The following BOLA3 variants were observed in gnomAD, a reference collection of about 807,000 sequenced individuals.
The protein encoded by BOLA3 is bolA-like protein 3.
A neutral mutation model predicts 14.5 loss-of-function variants in BOLA3; 8 were observed. The ratio of observed to expected loss-of-function variants is 0.55; its 90% confidence interval spans 0.32 to 0.99. The LOEUF (loss-of-function observed/expected upper bound fraction) is 0.99, where lower values mean the gene tolerates loss of function less well. Ranked by LOEUF, BOLA3 falls within the 50% of genes least tolerant of loss-of-function variation. The pLI, the probability that BOLA3 is intolerant of heterozygous loss-of-function variation, is 0.04. For missense variants in BOLA3, 115 were observed against 138.2 expected (o/e 0.83, Z 0.84); for synonymous variants, 42 against 45.7 (o/e 0.92, Z 0.33).
chr2:74,147,728 G>T, intron 1 of BOLA3, 93 bp downstream of exon 1: 1 of 1,312,142 alleles, frequency 7.6e-7, no homozygotes, highest in Admixed American at 2.0e-5. Flanking sequence ...CGCCCTCCGG[G>T]AGCCAGTCCT....
chr2:74,145,071 C>T (rs1413873620), intron 2 of BOLA3, 118 bp downstream of exon 2: 2 of 722,460 alleles, frequency 2.8e-6, no homozygotes, highest in South Asian at 1.4e-5. Flanking sequence ...CCAGCAGCAA[C>T]ACATCTTGAG....
At position 74,147,862 on chromosome 2, in the gene BOLA3, T is replaced by C; in HGVS notation, c.13A>G (p.Ser5Gly). 1 of 1,524,146 alleles carries C rather than the reference T, an allele frequency of 6.6e-7. No individual in the cohort carries two copies. The highest frequency in any genetic ancestry group is 8.7e-7 in the Non-Finnish European group (1 of 1,142,876). The allele number at this position is 1,524,146 out of a possible 1,614,324, so 94.4% of individuals were successfully genotyped here. MAAW[S>G]PAAAAPLLRG... ...AGGAGAGGCGCTGCCGCGGCCGGGCTCCATGCAGCCATGCCCGGCCGACGT... is the reference window on the plus strand; with the variant it reads ...AGGAGAGGCGCTGCCGCGGCCGGGCCCCATGCAGCCATGCCCGGCCGACGT... The change falls in exon 1 of 4, where the codon AGC becomes GGC. Residue 5 changes from serine to glycine, a missense_variant. Ser to Gly is a moderately conservative substitution (Grantham distance 56, BLOSUM62 0). Transcript: ENST00000327428.
At chr2:74,142,148 G>C in intron 3 of BOLA3, 124 bp downstream of exon 3, 2 of 743,212 alleles carry the variant, frequency 2.7e-6, no homozygotes, top group Non-Finnish European at 4.8e-6. Flanking sequence ...CTTGAGTCCT[G>C]TTTCGTGATT....
intron 3 of BOLA3, 105 bp downstream of exon 3, chr2:74,142,167 G>A: frequency 4.8e-6 from 4 of 835,086 alleles, no homozygotes; most frequent in Non-Finnish European, 8.3e-6. Flanking sequence ...TTGCAGTACT[G>A]CATTATTCTC....
chr2:74,141,264 T>A (rs1692432695), intron 3 of BOLA3, among the ~76,000 whole-genome samples: 1 of 151,694 alleles, frequency 6.6e-6, no homozygotes, highest in Non-Finnish European at 1.5e-5. Context: ...AACACAAAGA[T>A]GGATCCCAAA....
chr2:74,136,410 T>C lies in BOLA3; in HGVS notation c.259-752A>G, dbSNP rs554192326. 2.0e-5 allele frequency among the ~76,000 whole-genome samples: 3 copies of C among 152,340 alleles called. No individual in the cohort carries two copies. The East Asian group carries it at 5.8e-4, about 29-fold the overall frequency. On this transcript the variant is annotated intron_variant, in intron 3 of 3. Transcript: ENST00000327428. The stretch of plus-strand genomic sequence containing the variant: ...CCACGGCCCATGACAGCTTTGAATG[T>C]GGCCTAATATAAATTCGTAAACTTT...
chr2:74,135,774 T>G, intron 3 of BOLA3, 116 bp from the exon 4 acceptor site: 1 of 813,854 alleles, frequency 1.2e-6, no homozygotes, highest in Non-Finnish European at 2.1e-6. Flanking sequence ...GTGCTTTGTT[T>G]AAGCAATTTT....
At chr2:74,139,899 C>T (rs1449034194) in intron 3 of BOLA3, among the ~76,000 whole-genome samples, 4 of 152,200 alleles carry the variant, frequency 2.6e-5, no homozygotes, top group African/African-American at 9.7e-5. Flanking sequence ...AATCCCAACA[C>T]TTAGGGAGGC....
chr2:74,139,821 G>A (rs1243386405), intron 3 of BOLA3, among the ~76,000 whole-genome samples: 1 of 152,190 alleles, frequency 6.6e-6, no homozygotes, highest in Non-Finnish European at 1.5e-5. Context: ...GTTCTGGCTG[G>A]GGGCAGAGGA....
In BOLA3 at chr2:74,145,299, G is replaced by A; in HGVS notation, c.59C>T (p.Pro20Leu). The A allele has an allele frequency of 1.3e-6, 2 of 1,573,896 alleles. No individual in the cohort carries two copies. Among genetic ancestry groups the A allele is most frequent in the Non-Finnish European group, 1.7e-6 (2 of 1,143,266 alleles). ...AGTGGCAAACATCCGATGGTGAAGT[G>A]GAAGCTGCCACAGAACAGAGAGGAA... ...APLLRGIRGL[P>L]LHHRMFATQT... Residue 20 changes from proline (P) to leucine (L), a missense_variant, in exon 2 of 4, where the codon CCA (proline) becomes CTA (leucine). By Grantham distance (98) the Pro-to-Leu change is moderately conservative. Transcript: ENST00000327428.
At chr2:74,141,471 G>T (rs1692436821) in intron 3 of BOLA3, among the ~76,000 whole-genome samples, 2 of 152,048 alleles carry the variant, frequency 1.3e-5, no homozygotes, top group Non-Finnish European at 1.5e-5. Context: ...GGCAACCCAG[G>T]CAGAAGGTCC....
At chr2:74,138,415 G>T (rs190517874) in intron 3 of BOLA3, among the ~76,000 whole-genome samples, 1 of 152,264 alleles carries the variant, frequency 6.6e-6, no homozygotes, top group African/African-American at 2.4e-5. Flanking sequence ...CCTGCTTCCG[G>T]TGTTCGAGGT....
chr2:74,139,882 C>T (rs1012259891), intron 3 of BOLA3, among the ~76,000 whole-genome samples: 10 of 152,134 alleles, frequency 6.6e-5, no homozygotes, highest in South Asian at 4.1e-4. Context: ...CAGTGGCTCA[C>T]GCCTGTAATC....
At chr2:74,143,687 A>AC (rs1553442642) in intron 2 of BOLA3, among the ~76,000 whole-genome samples, 1 of 148,794 alleles carries the variant, frequency 6.7e-6, no homozygotes, top group Non-Finnish European at 1.5e-5. Flanking sequence ...ATTCCAGCAG[A>AC]TTTTTTTTTT....
In BOLA3 at chr2:74,147,882, C is replaced by G; in HGVS notation, c.-8G>C. The G allele has an allele frequency of 6.6e-7, 1 of 1,514,270 alleles. No individual in the cohort carries two copies. The highest frequency in any genetic ancestry group is 8.8e-7 in the Non-Finnish European group (1 of 1,138,782). 93.8% of individuals were successfully genotyped at this position (1,514,270 alleles called of 1,614,324 possible). On this transcript the variant is annotated 5_prime_UTR_variant, in exon 1 of 4. Transcript: ENST00000327428. ...CGGGCTCCATGCAGCCATGCCCGGCCGACGTGACCCGCCGCCCGAGGTCAC... is the reference window on the plus strand; with the variant it reads ...CGGGCTCCATGCAGCCATGCCCGGCGGACGTGACCCGCCGCCCGAGGTCAC...
chr2:74,143,349 CG>C, intron 2 of BOLA3, among the ~76,000 whole-genome samples: 1 of 152,044 alleles, frequency 6.6e-6, no homozygotes, highest in East Asian at 1.9e-4. Flanking sequence ...TTAGTAGAGA[CG>C]GGGTTTCACC....
At chr2:74,143,636 C>T (rs2103652778) in intron 2 of BOLA3, among the ~76,000 whole-genome samples, 1 of 152,242 alleles carries the variant, frequency 6.6e-6, no homozygotes, top group East Asian at 1.9e-4. Context: ...AAGGCCTCAG[C>T]ATTGCCCCAA....
intron 2 of BOLA3, 120 bp from the exon 3 acceptor site, chr2:74,142,480 A>G (rs917100127): frequency 1.2e-6 from 1 of 803,446 alleles, no homozygotes; most frequent in African/African-American, 1.7e-5. Flanking sequence ...CACAAAGGAA[A>G]GTTGCTAAGA....
intron 3 of BOLA3, among the ~76,000 whole-genome samples, chr2:74,138,944 C>T (rs747475727): frequency 6.6e-5 from 10 of 152,224 alleles, no homozygotes; most frequent in Non-Finnish European, 1.3e-4. Context: ...TTGCTGACAC[C>T]TCCCCAGGAT....
Sources: allele counts gnomAD v4.1 joint callset (sites outside exome capture counted in the v4.1 genomes callset), GRCh38; gene constraint gnomAD v4.1.1; transcripts MANE v1.5; gene names NCBI Gene and HGNC (gene_info 2026-07-23, HGNC 2026-07-21).